The following DIAPH2 variants were observed in gnomAD, a reference collection of about 807,000 sequenced individuals.
The protein encoded by DIAPH2 is protein diaphanous homolog 2.
DIAPH2 carries 35 observed loss-of-function variants against 92.7 expected under a neutral mutation model. That is an observed-to-expected ratio of 0.38 (90% CI 0.29 to 0.50). DIAPH2 has a LOEUF of 0.50. DIAPH2 is among the 20% of genes least tolerant of loss of function. The pLI, the probability that DIAPH2 is intolerant of heterozygous loss-of-function variation, is 0.94. For synonymous variants in DIAPH2, 301 were observed against 280.4 expected (o/e 1.07, Z -0.73); for missense variants, 701 against 819.5 (o/e 0.86, Z 1.77).
At chrX:96,707,678 G>A (rs142166549) in intron 1 of DIAPH2, among the ~76,000 whole-genome samples, 1,143 of 109,177 alleles carry the variant, frequency 0.01, 16 homozygotes, top group African/African-American at 0.037. Flanking sequence ...GAATACATAT[G>A]TACTCGTCTC....
chrX:97,244,862 G>A (rs768815217), intron 22 of DIAPH2, among the ~76,000 whole-genome samples: 2 of 111,517 alleles, frequency 1.8e-5, no homozygotes, highest in Admixed American at 9.5e-5. Context: ...AGGCCGAGGC[G>A]GGTGGATCAC....
At chrX:96,981,305 C>G (rs781741395) in intron 17 of DIAPH2, among the ~76,000 whole-genome samples, 2 of 111,256 alleles carry the variant, frequency 1.8e-5, no homozygotes, top group South Asian at 7.5e-4. Context: ...TATGGTTGGC[C>G]CACTTAAATA....
At chrX:97,114,647 C>A in intron 20 of DIAPH2, 79 bp from the exon 21 acceptor site, 1 of 891,695 alleles carries the variant, frequency 1.1e-6, no homozygotes, top group Admixed American at 3.9e-5. Flanking sequence ...ACAGTGTTGT[C>A]TATGAAATTA....
intron 26 of DIAPH2, among the ~76,000 whole-genome samples, chrX:97,515,287 T>C (rs2070935795): frequency 8.9e-6 from 1 of 112,472 alleles, no homozygotes; most frequent in Non-Finnish European, 1.9e-5. Context: ...GTGCCGTCCG[T>C]CACCCCTTTC....
chrX:96,837,433 C>CTCTCTCTCTCTCTGTG (rs1189132418), intron 4 of DIAPH2, among the ~76,000 whole-genome samples: 2 of 41,345 alleles, frequency 4.8e-5, no homozygotes, highest in Admixed American at 3.3e-4. Context: ...CTCTCTCTCT[C>CTCTCTCTCTCTCTGTG]TGTGTGTGTG....
intron 23 of DIAPH2, among the ~76,000 whole-genome samples, chrX:97,275,229 GCCC>G (rs773014804): frequency 1.9e-5 from 2 of 105,901 alleles, no homozygotes; most frequent in Non-Finnish European, 3.9e-5. Flanking sequence ...GGGCAGAGGT[GCCC>G]CCCCCACCTC....
intron 22 of DIAPH2, among the ~76,000 whole-genome samples, chrX:97,159,757 T>C (rs1194446312): frequency 8.9e-6 from 1 of 111,916 alleles, no homozygotes; most frequent in Non-Finnish European, 1.9e-5. Flanking sequence ...GTTATGAAAA[T>C]TAAAATATTT....
chrX:97,029,659 T>G (rs1247206504), intron 17 of DIAPH2, among the ~76,000 whole-genome samples: 1 of 111,684 alleles, frequency 9.0e-6, no homozygotes, highest in Non-Finnish European at 1.9e-5. Flanking sequence ...TTTACCTAAC[T>G]TCATTTTTTT....
intron 23 of DIAPH2, among the ~76,000 whole-genome samples, chrX:97,339,382 C>T (rs911889908): frequency 9.1e-6 from 1 of 110,477 alleles, no homozygotes. Flanking sequence ...GGGCATGGTG[C>T]TGGCCACCTG....
chrX:97,263,463 A>T (rs2068305440), intron 23 of DIAPH2, among the ~76,000 whole-genome samples: 1 of 111,853 alleles, frequency 8.9e-6, no homozygotes, highest in African/African-American at 3.2e-5. Flanking sequence ...GCATTATTAT[A>T]TTGAGCACCA....
At chrX:97,507,537 G>A (rs1375742428) in intron 26 of DIAPH2, among the ~76,000 whole-genome samples, 2 of 111,151 alleles carry the variant, frequency 1.8e-5, no homozygotes, top group Non-Finnish European at 3.8e-5. Flanking sequence ...CTTATGAGAG[G>A]TAATCATAAT....
intron 23 of DIAPH2, among the ~76,000 whole-genome samples, chrX:97,311,760 T>C (rs781711487): frequency 3.7e-4 from 41 of 111,523 alleles, no homozygotes; most frequent in Admixed American, 9.6e-4. Context: ...GCTAATTTGT[T>C]AGTCCTACAA....
At chrX:97,457,655 G>C (rs189075961) in intron 26 of DIAPH2, among the ~76,000 whole-genome samples, 2 of 111,315 alleles carry the variant, frequency 1.8e-5, no homozygotes, top group South Asian at 7.6e-4. Flanking sequence ...TTCACTATAC[G>C]GGCCTCTCTA....
chrX:97,404,698 TTTC>T (rs780489140), intron 25 of DIAPH2, among the ~76,000 whole-genome samples: 2 of 112,119 alleles, frequency 1.8e-5, no homozygotes, highest in Non-Finnish European at 3.8e-5. Flanking sequence ...TGAAAGGTCC[TTTC>T]TTCTTTTATC....
At chrX:96,696,601 C>T (rs1448929750) in intron 1 of DIAPH2, among the ~76,000 whole-genome samples, 1 of 111,976 alleles carries the variant, frequency 8.9e-6, no homozygotes, top group Non-Finnish European at 1.9e-5. Flanking sequence ...GCCACATCAA[C>T]GTTTCTTTTT....
rs1267177044 is a variant in DIAPH2, at chrX:97,134,189, C to T, written c.2590-7476C>T. Among the ~76,000 whole-genome samples, 8 of 111,648 alleles carry T rather than the reference C, an allele frequency of 7.2e-5. No homozygotes were observed. The East Asian group carries it at 2.0e-3, about 28-fold the overall frequency. On this transcript the variant is annotated intron_variant, in intron 21 of 26. Transcript: ENST00000324765. ...TATCTGGAATCTTCACAGCATGGAG[C>T]ATACTGTTTGTCTCATCTACTTTTG...
intron 25 of DIAPH2, among the ~76,000 whole-genome samples, chrX:97,387,766 A>G (rs549865923): frequency 1.8e-5 from 2 of 112,166 alleles, no homozygotes; most frequent in African/African-American, 6.5e-5. Context: ...GACAGAATTG[A>G]CAGGTGCTGA....
chrX:97,221,858 TC>T (rs1379603751), intron 22 of DIAPH2, among the ~76,000 whole-genome samples: 30 of 111,133 alleles, frequency 2.7e-4, no homozygotes, highest in African/African-American at 9.1e-4. Flanking sequence ...TTTTTTTTTT[TC>T]CTGAAACTGT....
intron 24 of DIAPH2, among the ~76,000 whole-genome samples, chrX:97,371,029 A>C (rs903046055): frequency 2.7e-5 from 3 of 111,613 alleles, no homozygotes; most frequent in Middle Eastern, 4.6e-3. Context: ...AGCATGAAAA[A>C]CTGGTAGATA....
Sources: gnomAD v4.1 joint callset for allele counts (sites outside exome capture counted in the v4.1 genomes callset) on GRCh38, gnomAD v4.1.1 for gene constraint, MANE v1.5 for transcripts, NCBI Gene and HGNC (gene_info 2026-07-23, HGNC 2026-07-21) for gene names.